DRC7: variants seen among roughly 807,000 people sequenced by gnomAD.
DRC7 encodes coiled-coil domain containing 135.
DRC7 carries 80 observed loss-of-function variants against 104.4 expected under a neutral mutation model. The ratio of observed to expected loss-of-function variants is 0.77; its 90% CI spans 0.64 to 0.92. The LOEUF is 0.92. Among genes scored for constraint, DRC7 ranks in the 40% least tolerant of loss-of-function variants. DRC7 has a pLI of 0.00. For synonymous variants in DRC7, 405 were observed against 447.3 expected (o/e 0.91, Z 1.19); for missense variants, 1,034 against 1,141.1 (o/e 0.91, Z 1.35).
At chr16:57,730,853 C>T in intron 17 of DRC7, 78 bp from the exon 18 acceptor site, 1 of 1,499,006 alleles carries the variant, frequency 6.7e-7, no homozygotes, top group Non-Finnish European at 9.2e-7. Context: ...TGTCTAGTGA[C>T]CCATGGGATT....
intron 17 of DRC7, among the ~76,000 whole-genome samples, chr16:57,729,695 A>G (rs1317067635): frequency 3.8e-5 from 3 of 79,068 alleles, no homozygotes; most frequent in Non-Finnish European, 4.6e-5. Context: ...GGATGGATGG[A>G]TGGATGGATG....
chr16:57,722,231 T>C (rs1359296412), intron 10 of DRC7, among the ~76,000 whole-genome samples: 5 of 152,054 alleles, frequency 3.3e-5, no homozygotes, highest in Non-Finnish European at 7.4e-5. Flanking sequence ...GGGTGGGAAG[T>C]GCCAGAGAGG....
intron 8 of DRC7, among the ~76,000 whole-genome samples, chr16:57,715,791 TAACAGC>T (rs1236003462): frequency 2.0e-5 from 3 of 152,132 alleles, no homozygotes; most frequent in Non-Finnish European, 2.9e-5. Flanking sequence ...CTCTGAAGGA[TAACAGC>T]CCTTCAGAGG....
rs573329638 is a variant in DRC7, at chr16:57,699,428, C to T, written c.378+404C>T. ...GCGGGTCTGTGGGTCCCTGTCAGCT[C>T]GTGGGCAGCTGTTTCCCACCCCCTG... is the stretch of plus-strand genomic sequence containing the variant. On this transcript the variant is annotated intron_variant, in intron 4 of 18. Coordinates refer to ENST00000360716, the MANE Select transcript of DRC7 (RefSeq NM_001289162.2). Among the ~76,000 whole-genome samples, 10 of 152,262 alleles carry T rather than the reference C, an allele frequency of 6.6e-5. 1 individual carries two copies. The highest frequency in any genetic ancestry group is 6.2e-4 in the South Asian group (3 of 4,834).
At chr16:57,729,008 A>G (rs1411238110) in intron 17 of DRC7, among the ~76,000 whole-genome samples, 1 of 133,344 alleles carries the variant, frequency 7.5e-6, no homozygotes, top group Non-Finnish European at 1.6e-5. Flanking sequence ...GTAGATAGAT[A>G]GGTGTATGGG....
chr16:57,712,360 G>A (rs2048798383), intron 8 of DRC7, among the ~76,000 whole-genome samples: 1 of 152,142 alleles, frequency 6.6e-6, no homozygotes, highest in South Asian at 2.1e-4. Flanking sequence ...GGTTCACTTT[G>A]TCATTGCCAT....
At chr16:57,707,740 G>GGAA (rs747540179) in intron 8 of DRC7, 62 bp downstream of exon 8, 1 of 1,467,814 alleles carries the variant, frequency 6.8e-7, no homozygotes, top group Admixed American at 1.8e-5. Context: ...AGGAATAGAG[G>GGAA]GAAGCAATGG....
intron 7 of DRC7, 51 bp from the exon 8 acceptor site, chr16:57,707,409 A>G (rs1182911443): frequency 1.9e-6 from 3 of 1,543,334 alleles, no homozygotes; most frequent in Admixed American, 1.8e-5. Flanking sequence ...TGGGCCCCTG[A>G]CACTCCTCTT....
At chr16:57,700,310 G>C (rs79328576) in intron 5 of DRC7, 40 bp downstream of exon 5, 1 of 1,582,668 alleles carries the variant, frequency 6.3e-7, no homozygotes, top group Non-Finnish European at 8.6e-7. Context: ...AGCCCACCAG[G>C]ACTAAGATGG....
Position 57,702,184 on chromosome 16 carries a change from C to G in DRC7, c.699+54C>G, listed in dbSNP as rs773047605. On this transcript the variant is annotated intron_variant, in intron 6 of 18. Transcript: ENST00000360716. ...TCCCAAAGGATGAACATTCCCGGTG[C>G]TGTCGTGCCATCCTTAGAGACGTCC... The G allele has an allele frequency of 1.2e-4, 184 of 1,580,874 alleles. 1 individual carries two copies. Among genetic ancestry groups the G allele is most frequent in the Non-Finnish European group, 1.5e-4 (178 of 1,157,830 alleles).
Position 57,728,579 on chromosome 16 carries a change from G to A in DRC7, c.2386G>A (p.Glu796Lys). Residue 796 changes from glutamate (E) to lysine (K), a missense_variant, in exon 17 of 19, where the codon GAG becomes AAG. Transcript: ENST00000360716. Reference protein sequence around the residue: ...NKANLIQARFEKETQELQKKQ... With the variant: ...NKANLIQARFKKETQELQKKQ... ...GGCCAACCTCATCCAGGCCCGCTTT[G>A]AGAAGGTGCCACCAGGGCCTTTGTT... 1 of 1,593,100 alleles carries A rather than the reference G, an allele frequency of 6.3e-7. No homozygotes were observed. The highest frequency in any genetic ancestry group is 8.6e-7 in the Non-Finnish European group (1 of 1,167,624).
At chr16:57,728,659 C>A in intron 17 of DRC7, 75 bp downstream of exon 17, 1 of 1,259,476 alleles carries the variant, frequency 7.9e-7, no homozygotes, top group African/African-American at 1.5e-5. Context: ...CGGCTGTCCG[C>A]CCACTACCTC....
chr16:57,706,801 C>T (rs1231659388), intron 7 of DRC7, among the ~76,000 whole-genome samples: 1 of 149,754 alleles, frequency 6.7e-6, no homozygotes, highest in African/African-American at 2.5e-5. Context: ...TCCATCCATC[C>T]TCCCATCCAC....
At chr16:57,715,627 C>G (rs2048834445) in intron 8 of DRC7, among the ~76,000 whole-genome samples, 1 of 152,176 alleles carries the variant, frequency 6.6e-6, no homozygotes, top group African/African-American at 2.4e-5. Flanking sequence ...TCTAGCTGTT[C>G]AATAAATGTT....
Position 57,699,903 on chromosome 16 carries a change from T to C in DRC7, c.379-242T>C, listed in dbSNP as rs928589794. On this transcript the variant is annotated intron_variant, in intron 4 of 18. Coordinates refer to ENST00000360716, the MANE Select transcript of DRC7 (RefSeq NM_001289162.2). The stretch of plus-strand genomic sequence containing the variant: ...AGAATATGCTTGTGCTGTCTCCGGG[T>C]GCTGGCAACATGATAAGGGCCTCCC... Among the ~76,000 whole-genome samples the C allele has an allele frequency of 2.0e-5, 3 of 152,186 alleles. No homozygotes were observed. In the East Asian group the frequency reaches 5.8e-4, roughly 29 times the overall value.
intron 1 of DRC7, among the ~76,000 whole-genome samples, chr16:57,696,185 G>A (rs4784851): frequency 0.061 from 9,259 of 152,278 alleles, 436 homozygotes; most frequent in African/African-American, 0.12. Context: ...CTGGGATGGC[G>A]TTGGGTGGTG....
rs771456695 is a variant in DRC7, at chr16:57,722,736, G to A, written c.1303G>A (p.Gly435Arg). The change falls in exon 11 of 19, where the codon GGG becomes AGG. Residue 435 changes from glycine (G) to arginine (R), a missense_variant. Physicochemically the swap from Gly to Arg is moderately radical, Grantham distance 125. Coordinates refer to ENST00000360716, the MANE Select transcript of DRC7 (RefSeq NM_001289162.2). ...PEAFETRCPN[G>R]KKVIQYKRAK... ...AGCATTTGAGACCCGCTGCCCGAACGGGAAGAAGGTGATTCAGTACAAGAG... is the reference window on the plus strand; with the variant it reads ...AGCATTTGAGACCCGCTGCCCGAACAGGAAGAAGGTGATTCAGTACAAGAG... The A allele has an allele frequency of 8.1e-6, 13 of 1,613,680 alleles. No homozygotes were observed. The highest frequency in any genetic ancestry group is 4.5e-5 in the East Asian group (2 of 44,880).
At chr16:57,727,454 C>A (rs747124061) in intron 16 of DRC7, 45 bp downstream of exon 16, 11 of 1,442,010 alleles carry the variant, frequency 7.6e-6, no homozygotes, top group Non-Finnish European at 1.1e-5. Context: ...TCCTAGACCC[C>A]CCTGGTCTCC....
chr16:57,717,405 A>AG (rs1346718896), intron 8 of DRC7, among the ~76,000 whole-genome samples: 1 of 150,894 alleles, frequency 6.6e-6, no homozygotes, highest in Non-Finnish European at 1.5e-5. Flanking sequence ...CTGGCTTAAA[A>AG]AAAAAAAAAA....
Sources: allele counts gnomAD v4.1 joint callset (sites outside exome capture counted in the v4.1 genomes callset), GRCh38; gene constraint gnomAD v4.1.1; transcripts MANE v1.5; gene names NCBI Gene and HGNC (gene_info 2026-07-23, HGNC 2026-07-21).